Variants in SCML4 observed in about 807,000 individuals in gnomAD.
SCML4 encodes sex comb on midleg-like protein 4.
Under a neutral mutation model 41.1 loss-of-function variants are expected in SCML4, and 34 were observed. That is an observed-to-expected ratio of 0.83 (90% confidence interval 0.63 to 1.10). The LOEUF is 1.10. Ranked by LOEUF, SCML4 falls within the 50% of genes least tolerant of loss-of-function variation. The pLI is 0.00. For synonymous variants in SCML4, 214 were observed against 220.9 expected (o/e 0.97, Z 0.28); for missense variants, 522 against 534.1 (o/e 0.98, Z 0.22).
chr6:107,762,259 G>T (rs539149182), intron 2 of SCML4, among the ~76,000 whole-genome samples: 2 of 152,106 alleles, frequency 1.3e-5, no homozygotes, highest in African/African-American at 4.8e-5. Context: ...GACTTCCAAT[G>T]AATGGGAAAG....
intron 5 of SCML4, among the ~76,000 whole-genome samples, chr6:107,738,659 G>A (rs1777308986): frequency 6.6e-6 from 1 of 152,050 alleles, no homozygotes; most frequent in African/African-American, 2.4e-5. Flanking sequence ...TCAAAAGTCT[G>A]AGGAAGAGAT....
chr6:107,709,898 T>C (rs577407026), intron 6 of SCML4, among the ~76,000 whole-genome samples: 14 of 152,174 alleles, frequency 9.2e-5, no homozygotes, highest in Non-Finnish European at 1.6e-4. Flanking sequence ...TTAGTAGAGA[T>C]GGGGTTTCAC....
chr6:107,810,907 C>G (rs1583651768), intron 1 of SCML4, among the ~76,000 whole-genome samples: 1 of 152,124 alleles, frequency 6.6e-6, no homozygotes. Flanking sequence ...TCCCGAAGTG[C>G]TGGGATTACA....
chr6:107,793,391 C>T (rs1330318195), intron 1 of SCML4, among the ~76,000 whole-genome samples: 2 of 152,218 alleles, frequency 1.3e-5, no homozygotes, highest in Non-Finnish European at 2.9e-5. Flanking sequence ...CCTGCATGCA[C>T]ATGAGACACA....
intron 1 of SCML4, among the ~76,000 whole-genome samples, chr6:107,796,021 G>A (rs1437968785): frequency 1.3e-5 from 2 of 152,038 alleles, no homozygotes; most frequent in African/African-American, 4.8e-5. Flanking sequence ...TCTTTTTATT[G>A]CTGAATAGTA....
chr6:107,840,675 G>A, the SCML4 span, among the ~76,000 whole-genome samples: 517 of 152,276 alleles, frequency 3.4e-3, 1 homozygote, highest in Non-Finnish European at 5.5e-3. Flanking sequence ...ATTAAGTAGC[G>A]AACAGGGACA....
intron 1 of SCML4, among the ~76,000 whole-genome samples, chr6:107,784,991 T>A (rs548332115): frequency 3.1e-4 from 47 of 152,354 alleles, no homozygotes; most frequent in African/African-American, 1.1e-3. Flanking sequence ...ACTTTAGTGC[T>A]GGCTCTACTC....
At chr6:107,827,164 C>T (rs1785289897), upstream of SCML4, among the ~76,000 whole-genome samples, 1 of 146,774 alleles carries the variant, frequency 6.8e-6, no homozygotes, top group Admixed American at 6.8e-5. Context: ...ATAAATTATT[C>T]ATTAAATTAT....
chr6:107,791,574 A>G (rs1314147018), intron 1 of SCML4, among the ~76,000 whole-genome samples: 3 of 152,238 alleles, frequency 2.0e-5, no homozygotes, highest in African/African-American at 4.8e-5. Context: ...TGATTATTAA[A>G]CAAGCTAGTA....
At chr6:107,727,007 G>A (rs552821824) in intron 5 of SCML4, among the ~76,000 whole-genome samples, 1 of 152,234 alleles carries the variant, frequency 6.6e-6, no homozygotes, top group African/African-American at 2.4e-5. Flanking sequence ...AAACTCAAGT[G>A]GCTATCAACG....
intron 1 of SCML4, among the ~76,000 whole-genome samples, chr6:107,774,013 A>G (rs975981445): frequency 6.6e-6 from 1 of 152,204 alleles, no homozygotes; most frequent in African/African-American, 2.4e-5. Context: ...CACTTTGTTA[A>G]TTTTCTGAAT....
At chr6:107,764,942 C>T (rs776599741) in intron 2 of SCML4, among the ~76,000 whole-genome samples, 25 of 152,224 alleles carry the variant, frequency 1.6e-4, no homozygotes, top group Non-Finnish European at 3.1e-4. Context: ...TCCACCATGA[C>T]TGTGAGGCCT....
At chr6:107,788,439 T>C (rs1782068737) in intron 1 of SCML4, among the ~76,000 whole-genome samples, 1 of 152,260 alleles carries the variant, frequency 6.6e-6, no homozygotes, top group African/African-American at 2.4e-5. Flanking sequence ...TTTTGTTCTC[T>C]TTGTAGAGAA....
At chr6:107,802,603 G>A (rs1583624676) in intron 1 of SCML4, among the ~76,000 whole-genome samples, 2 of 137,878 alleles carry the variant, frequency 1.5e-5, no homozygotes, top group Non-Finnish European at 3.2e-5. Context: ...AGGAAGGAAG[G>A]AAGGAAGGAA....
intron 2 of SCML4, among the ~76,000 whole-genome samples, chr6:107,768,581 G>A (rs750973832): frequency 6.6e-6 from 1 of 152,130 alleles, no homozygotes; most frequent in Admixed American, 6.5e-5. Context: ...GCTGAGGAGC[G>A]GAGGGCTGCT....
At chr6:107,781,459 C>A (rs1370362646) in intron 1 of SCML4, among the ~76,000 whole-genome samples, 1 of 152,058 alleles carries the variant, frequency 6.6e-6, no homozygotes, top group African/African-American at 2.4e-5. Flanking sequence ...CCAGCCTGAG[C>A]AATAGGGCAT....
intron 2 of SCML4, among the ~76,000 whole-genome samples, chr6:107,766,949 ATTTTT>A (rs35794596): frequency 2.9e-5 from 4 of 136,358 alleles, no homozygotes; most frequent in South Asian, 2.4e-4. Flanking sequence ...CTATTAAGCT[ATTTTT>A]TTTTTTTTTT....
intron 2 of SCML4, chr6:107,755,522 T>C (rs780747834): frequency 5.3e-5 from 52 of 972,512 alleles, no homozygotes; most frequent in South Asian, 1.6e-4. Flanking sequence ...GCCCACTGGC[T>C]AGAAGCTTTG....
upstream of SCML4, among the ~76,000 whole-genome samples, chr6:107,828,786 C>G (rs1462118122): frequency 6.6e-6 from 1 of 152,144 alleles, no homozygotes; most frequent in East Asian, 1.9e-4. Flanking sequence ...AGAGTGGGTG[C>G]CAGATCTCTT....
Sources: gnomAD v4.1 joint callset for allele counts (sites outside exome capture counted in the v4.1 genomes callset) on GRCh38, gnomAD v4.1.1 for gene constraint, MANE v1.5 for transcripts, NCBI Gene and HGNC (gene_info 2026-07-23, HGNC 2026-07-21) for gene names.